TRPM5: variants seen among roughly 807,000 people sequenced by gnomAD.
TRPM5 encodes transient receptor potential cation channel subfamily M member 5.
TRPM5 carries 121 observed loss-of-function variants against 124.9 expected under a neutral mutation model. That is an observed-to-expected ratio of 0.97 (90% CI 0.84 to 1.13). The LOEUF (loss-of-function observed/expected upper bound fraction) is 1.13. Among genes scored for constraint, TRPM5 ranks in the 50% most tolerant of loss-of-function variants. The probability of loss-of-function intolerance (pLI) is 0.00; values close to 1 mark genes in which losing one functional copy is unlikely to be tolerated. For synonymous variants in TRPM5, 781 were observed against 700.5 expected (o/e 1.11, Z -1.81); for missense variants, 1,643 against 1,589.1 (o/e 1.03, Z -0.58).
At chr11:2,432,371 G>A in the TRPM5 span, among the ~76,000 whole-genome samples, 1 of 152,178 alleles carries the variant, frequency 6.6e-6, no homozygotes, top group Non-Finnish European at 1.5e-5. Flanking sequence ...ACTCCAACAG[G>A]GCCCAGCCCC....
chr11:2,410,192 G>A (rs887796284), intron 18 of TRPM5, among the ~76,000 whole-genome samples: 29 of 152,216 alleles, frequency 1.9e-4, no homozygotes, highest in Admixed American at 1.3e-3. Flanking sequence ...GGGCTGCGGG[G>A]GCTGAGAAAA....
chr11:2,414,587 G>A (rs769719629), intron 11 of TRPM5, 128 bp downstream of exon 16: 2 of 1,308,826 alleles, frequency 1.5e-6, no homozygotes, highest in Non-Finnish European at 1.0e-6. Flanking sequence ...TATGGAGGAG[G>A]CCCCTGAGGG....
the TRPM5 span, among the ~76,000 whole-genome samples, chr11:2,441,816 A>T: frequency 0.012 from 1,775 of 152,082 alleles, 36 homozygotes; most frequent in African/African-American, 0.041. This position sits in a 1 kb window ranked among gnomAD's most constrained non-coding sequence, Gnocchi z 7.2. Context: ...CAGCCTCCTG[A>T]GTAGGTGGGA....
the TRPM5 span, among the ~76,000 whole-genome samples, chr11:2,441,720 G>A: frequency 1.3e-5 from 2 of 151,822 alleles, no homozygotes; most frequent in Non-Finnish European, 2.9e-5. This position sits in a 1 kb window ranked among gnomAD's most constrained non-coding sequence, Gnocchi z 7.2. Context: ...ATGGAGTTTC[G>A]CTCTTGTCAC....
chr11:2,426,262 G>A (rs1439371604), upstream of TRPM5, among the ~76,000 whole-genome samples: 7 of 152,134 alleles, frequency 4.6e-5, no homozygotes, highest in South Asian at 2.1e-4. Flanking sequence ...CCTGGTGGCC[G>A]CAACCACCCC....
At chr11:2,407,059 C>T in intron 20 of TRPM5, 60 bp downstream of exon 25, 1 of 1,472,964 alleles carries the variant, frequency 6.8e-7, no homozygotes, top group Non-Finnish European at 8.9e-7. Context: ...GCGCACAGCC[C>T]CGCCCTGGGA....
upstream of TRPM5, among the ~76,000 whole-genome samples, chr11:2,426,643 G>A (rs1267741997): frequency 6.6e-6 from 1 of 152,146 alleles, no homozygotes; most frequent in Admixed American, 6.5e-5. Flanking sequence ...ACCAGCTCAG[G>A]GCAGAGCTGG....
At chr11:2,429,724 T>C in the TRPM5 span, among the ~76,000 whole-genome samples, 2 of 151,992 alleles carry the variant, frequency 1.3e-5, no homozygotes, top group East Asian at 3.9e-4. The surrounding 1 kb of genome is among the most constrained non-coding windows in gnomAD (Gnocchi z 8.4). Context: ...ATGGCAGTGA[T>C]AGTTAGGATG....
the TRPM5 span, among the ~76,000 whole-genome samples, chr11:2,430,095 T>G: frequency 2.0e-5 from 3 of 152,174 alleles, no homozygotes; most frequent in East Asian, 5.8e-4. Flanking sequence ...TCTGGTTCAG[T>G]GCCAGGTCAT....
At chr11:2,439,938 A>T in the TRPM5 span, among the ~76,000 whole-genome samples, 517 of 152,356 alleles carry the variant, frequency 3.4e-3, 1 homozygote, top group African/African-American at 0.012. Context: ...AAGGTGCCCA[A>T]CAGTGGTAGA....
At chr11:2,423,001 G>C (rs747237008) in exon 1 of TRPM5, 1 of 1,612,684 alleles carries the variant, frequency 6.2e-7, no homozygotes, top group Non-Finnish European at 8.5e-7. Flanking sequence ...CAGCATCCCC[G>C]GGGCTTCCGG....
intron 13 of TRPM5, 44 bp from the exon 19 acceptor site, chr11:2,413,270 G>A (rs768652328): frequency 5.2e-5 from 78 of 1,491,114 alleles, no homozygotes; most frequent in Non-Finnish European, 6.7e-5. Flanking sequence ...AGGGCTCCCA[G>A]AGGCGCCTGC....
chr11:2,413,650 C>A, intron 12 of TRPM5, 62 bp from the exon 18 acceptor site: 1 of 1,464,874 alleles, frequency 6.8e-7, no homozygotes. Flanking sequence ...GCGCCCTGCC[C>A]CAGGAATGCC....
At chr11:2,435,302 G>A in the TRPM5 span, among the ~76,000 whole-genome samples, 3 of 152,094 alleles carry the variant, frequency 2.0e-5, no homozygotes, top group African/African-American at 7.2e-5. This position sits in a 1 kb window ranked among gnomAD's most constrained non-coding sequence, Gnocchi z 4.1. Flanking sequence ...TCATGGAGAG[G>A]CTGCCATCTG....
At chr11:2,423,214 C>T (rs116060330), upstream of TRPM5, among the ~76,000 whole-genome samples, 922 of 152,288 alleles carry the variant, frequency 6.1e-3, 8 homozygotes, top group African/African-American at 0.021. Context: ...ACCTTCTCTC[C>T]AGCCAGGCCC....
At chr11:2,417,177 T>C (rs935374750) in intron 7 of TRPM5, among the ~76,000 whole-genome samples, 3 of 152,172 alleles carry the variant, frequency 2.0e-5, no homozygotes, top group Non-Finnish European at 4.4e-5. Flanking sequence ...AATTGGCTAG[T>C]GCGGTGGCTC....
the TRPM5 span, among the ~76,000 whole-genome samples, chr11:2,434,482 G>A: frequency 6.6e-6 from 1 of 151,600 alleles, no homozygotes; most frequent in African/African-American, 2.4e-5. Flanking sequence ...GTGCATGTGT[G>A]TATAGCCGCA....
upstream of TRPM5, chr11:2,423,115 G>C: frequency 8.4e-7 from 1 of 1,195,726 alleles, no homozygotes; most frequent in Non-Finnish European, 1.2e-6. Context: ...CCCTCAGGGG[G>C]CTGGCTCTGC....
chr11:2,418,408 T>C (rs1479377279), intron 5 of TRPM5, 50 bp from the exon 11 acceptor site: 7 of 1,527,654 alleles, frequency 4.6e-6, no homozygotes, highest in Non-Finnish European at 1.8e-6. Flanking sequence ...CCCGACGACA[T>C]CTGGATGCAG....
Sources: gnomAD v4.1 joint callset for allele counts (sites outside exome capture counted in the v4.1 genomes callset) on GRCh38, gnomAD v4.1.1 for gene constraint, Gnocchi (gnomAD v3.1) non-coding constraint, MANE v1.5 for transcripts, NCBI Gene and HGNC (gene_info 2026-07-23, HGNC 2026-07-21) for gene names.